ANKRD29: variants seen among roughly 807,000 people sequenced by gnomAD.
ANKRD29 encodes ankyrin repeat domain 29, also known as ankyrin repeat domain-containing protein 29.
In ANKRD29, 32 loss-of-function variants were observed where a neutral mutation model predicts 38.0. The ratio of observed to expected loss-of-function variants is 0.84; its 90% CI spans 0.64 to 1.13. ANKRD29 has a LOEUF of 1.13. Ranked by LOEUF, ANKRD29 falls within the 50% of genes most tolerant of loss-of-function variation. The probability of loss-of-function intolerance (pLI) is 0.00; values close to 1 mark genes in which losing one functional copy is unlikely to be tolerated. For synonymous variants in ANKRD29, 135 were observed against 152.4 expected, an observed-to-expected ratio of 0.89 and a Z score of 0.84; for missense variants, 357 against 377.9, an observed-to-expected ratio of 0.94 and a Z score of 0.46.
chr18:23,617,799 G>T lies in ANKRD29; in HGVS notation c.656C>A (p.Ala219Asp). Residue 219 changes from alanine to aspartate, a missense_variant, in exon 8 of 10, where the codon GCC (alanine) becomes GAC (aspartate). Transcript: ENST00000592179. The part of the protein sequence containing the change: ...NDGTTALLKA[A>D]NKGYNDVIKE... ...TATGACATCATTATACCCTTTGTTG[G>T]CTGCTTTCAATAATGCTGTTGTGCC... 1 of 1,613,926 alleles carries T rather than the reference G, an allele frequency of 6.2e-7. No individual in the cohort carries two copies. Among genetic ancestry groups the T allele is most frequent in the Non-Finnish European group, 8.5e-7 (1 of 1,179,886 alleles).
At chr18:23,655,943 A>C (rs1342957822) in intron 1 of ANKRD29, among the ~76,000 whole-genome samples, 2 of 150,064 alleles carry the variant, frequency 1.3e-5, no homozygotes, top group Non-Finnish European at 3.0e-5. Flanking sequence ...AATACAAAAA[A>C]TTAGCCGGGC....
At chr18:23,611,991 G>C in intron 9 of ANKRD29, 101 bp downstream of exon 9, 2 of 1,056,398 alleles carry the variant, frequency 1.9e-6, no homozygotes, top group South Asian at 3.0e-5. Context: ...ACTATGCAAA[G>C]AATGAAGATG....
chr18:23,659,022 C>G (rs2060321243), intron 1 of ANKRD29, among the ~76,000 whole-genome samples: 1 of 152,184 alleles, frequency 6.6e-6, no homozygotes, highest in African/African-American at 2.4e-5. Flanking sequence ...CACTCTGTCA[C>G]CCAGGCTGGA....
chr18:23,621,381 G>A lies in ANKRD29; in HGVS notation c.529-1752C>T, dbSNP rs114596652. Among the ~76,000 whole-genome samples, 816 of 152,272 alleles carry A rather than the reference G, an allele frequency of 5.4e-3. 5 individuals are homozygous for A. The highest frequency in any genetic ancestry group is 0.019 in the African/African-American group (782 of 41,554). On this transcript the variant is annotated intron_variant, in intron 6 of 9. Coordinates refer to ENST00000592179, the MANE Select transcript of ANKRD29 (RefSeq NM_173505.4). ...AAGACATCTGAGCTGGGTCGGGGAA[G>A]CTGGTGACTTGGGAGCCCAGGAGGA...
chr18:23,616,789 T>A (rs146455169), intron 8 of ANKRD29, among the ~76,000 whole-genome samples: 8,303 of 146,816 alleles, frequency 0.057, 511 homozygotes, highest in Admixed American at 0.19. Flanking sequence ...ATAAATAATA[T>A]AATATAATAA....
intron 9 of ANKRD29, among the ~76,000 whole-genome samples, chr18:23,604,168 G>A (rs2059547934): frequency 6.6e-6 from 1 of 152,092 alleles, no homozygotes; most frequent in African/African-American, 2.4e-5. Context: ...CTAGTTTTGG[G>A]AATGCCTCTA....
At chr18:23,625,338 G>A (rs1428943098) in intron 6 of ANKRD29, among the ~76,000 whole-genome samples, 1 of 152,128 alleles carries the variant, frequency 6.6e-6, no homozygotes, top group Non-Finnish European at 1.5e-5. Context: ...AGGATAGGCA[G>A]GCCAGCCAGT....
At chr18:23,641,755 A>C (rs1232527121) in intron 3 of ANKRD29, among the ~76,000 whole-genome samples, 1 of 152,224 alleles carries the variant, frequency 6.6e-6, no homozygotes, top group Non-Finnish European at 1.5e-5. Flanking sequence ...CAGATTCAAA[A>C]AGATGTCCCG....
In ANKRD29 at chr18:23,662,868, C is replaced by G. The variant is rs12956140; in HGVS notation, c.-138G>C. ...CGCCGCGCGCTCCCGCCGCCCGGCC[C>G]GGCAGCAGCCGCCGCACACAGGGCC... On this transcript the variant is annotated 5_prime_UTR_variant, in exon 1 of 10. Coordinates refer to ENST00000592179, the MANE Select transcript of ANKRD29 (RefSeq NM_173505.4). 13 of 749,034 alleles carry G rather than the reference C, an allele frequency of 1.7e-5. No individual in the cohort carries two copies. Among genetic ancestry groups the G allele is most frequent in the Admixed American group, 5.8e-5 (1 of 17,154 alleles). The allele number at this position is 749,034 out of a possible 1,614,324, so 46.4% of individuals were successfully genotyped here. A position where few individuals can be genotyped will look rare whatever the true frequency, so the allele number is the denominator to read the frequency against.
At position 23,600,171 on chromosome 18, in the gene ANKRD29, A is replaced by G. The variant is rs1031976733; in HGVS notation, c.*1055T>C. 2 of 152,622 alleles carry G rather than the reference A, an allele frequency of 1.3e-5. No individual in the cohort carries two copies. Among genetic ancestry groups the G allele is most frequent in the Admixed American group, 6.5e-5 (1 of 15,280 alleles). The allele number at this position is 152,622 out of a possible 1,614,324, so 9.5% of individuals were successfully genotyped here. On this transcript the variant is annotated 3_prime_UTR_variant, in exon 10 of 10. Coordinates refer to ENST00000592179, the MANE Select transcript of ANKRD29 (RefSeq NM_173505.4). ...TGATCCCTTTCAAAGGAATAATTCAATAAACCTCATATTTCATTCTTGGAA... is the reference window on the plus strand; with the variant it reads ...TGATCCCTTTCAAAGGAATAATTCAGTAAACCTCATATTTCATTCTTGGAA...
chr18:23,655,162 T>G (rs553676467), intron 1 of ANKRD29, among the ~76,000 whole-genome samples: 153 of 151,570 alleles, frequency 1.0e-3, no homozygotes, highest in African/African-American at 3.6e-3. Flanking sequence ...AAAATAAAAT[T>G]TTAAGCCCCC....
At chr18:23,628,196 A>C (rs2059885428) in intron 6 of ANKRD29, among the ~76,000 whole-genome samples, 1 of 152,202 alleles carries the variant, frequency 6.6e-6, no homozygotes, top group Non-Finnish European at 1.5e-5. Context: ...TCACTTGTTC[A>C]AAACCACACA....
intron 6 of ANKRD29, chr18:23,619,889 AATC>A (rs560134233): frequency 1.2e-4 from 56 of 460,432 alleles, no homozygotes; most frequent in Non-Finnish European, 2.1e-4. Context: ...TGGCTTATAA[AATC>A]ATCCATTTTG....
chr18:23,602,685 TGAG>T (rs1186060088), intron 9 of ANKRD29, among the ~76,000 whole-genome samples: 1 of 152,074 alleles, frequency 6.6e-6, no homozygotes, highest in Non-Finnish European at 1.5e-5. Context: ...TTTGAGAGGC[TGAG>T]GTGAGAGGAC....
chr18:23,610,247 G>C (rs554835070), intron 9 of ANKRD29, among the ~76,000 whole-genome samples: 3 of 152,316 alleles, frequency 2.0e-5, no homozygotes, highest in Admixed American at 6.5e-5. Context: ...GGAGGCCGAG[G>C]GGGGCGGATC....
rs562452879 is a variant in ANKRD29, at chr18:23,599,442, C to A, written c.*1784G>T. The A allele has an allele frequency of 1.3e-5, 2 of 152,166 alleles. No individual in the cohort carries two copies. Among genetic ancestry groups the A allele is most frequent in the Non-Finnish European group, 2.9e-5 (2 of 68,018 alleles). The allele number at this position is 152,166 out of a possible 1,614,324, so 9.4% of individuals were successfully genotyped here. A position where few individuals can be genotyped will look rare whatever the true frequency, so the allele number is the denominator to read the frequency against. Reference sequence around the variant, plus strand: ...TGTTATCAGTACCCATAACGTTTTGCTTTGTATCAGTGATTAGCAACTATT... The same window carrying A: ...TGTTATCAGTACCCATAACGTTTTGATTTGTATCAGTGATTAGCAACTATT... On this transcript the variant is annotated 3_prime_UTR_variant, in exon 10 of 10. Coordinates refer to ENST00000592179, the MANE Select transcript of ANKRD29 (RefSeq NM_173505.4).
intron 8 of ANKRD29, among the ~76,000 whole-genome samples, chr18:23,613,692 C>A (rs540350329): frequency 6.7e-6 from 1 of 150,168 alleles, no homozygotes; most frequent in African/African-American, 2.5e-5. Flanking sequence ...CTCTGCCTCC[C>A]GGGTTCACGC....
At chr18:23,611,524 A>G (rs1442458833) in intron 9 of ANKRD29, among the ~76,000 whole-genome samples, 4 of 152,038 alleles carry the variant, frequency 2.6e-5, no homozygotes, top group Non-Finnish European at 5.9e-5. Context: ...TCTCTACTAA[A>G]ACACAAAAAA....
intron 9 of ANKRD29, among the ~76,000 whole-genome samples, chr18:23,607,089 C>G (rs2059583803): frequency 6.6e-6 from 1 of 152,202 alleles, no homozygotes; most frequent in African/African-American, 2.4e-5. Flanking sequence ...CCTCTATCTG[C>G]TGGCTGGAAC....
Sources: gnomAD v4.1 joint callset for allele counts (sites outside exome capture counted in the v4.1 genomes callset) on GRCh38, gnomAD v4.1.1 for gene constraint, MANE v1.5 for transcripts, NCBI Gene and HGNC (gene_info 2026-07-23, HGNC 2026-07-21) for gene names.